Variants in DYNC1H1 observed in about 807,000 individuals in gnomAD.
The protein encoded by DYNC1H1 is cytoplasmic dynein 1 heavy chain 1.
In DYNC1H1, 51 loss-of-function variants were observed where a neutral mutation model predicts 527.1. The ratio of observed to expected loss-of-function variants is 0.10; its 90% CI spans 0.08 to 0.12. The LOEUF (loss-of-function observed/expected upper bound fraction) is 0.12, where lower values mean the gene tolerates loss of function less well. DYNC1H1 is among the 10% of genes least tolerant of loss of function. The pLI is 1.00. For missense variants in DYNC1H1, 2,771 were observed against 5,971.8 expected, an observed-to-expected ratio of 0.46 and a Z score of 17.66; for synonymous variants, 2,189 against 2,278.8, an observed-to-expected ratio of 0.96 and a Z score of 1.12.
chr14:102,038,134 A>G lies in DYNC1H1; in HGVS notation c.10909-326A>G, dbSNP rs1431622572. 7.9e-6 allele frequency: 3 copies of G among 380,986 alleles called. No individual in the cohort carries two copies. The highest frequency in any genetic ancestry group is 2.1e-5 in the African/African-American group (1 of 47,586). The allele number at this position is 380,986 out of a possible 1,614,324, so 23.6% of individuals were successfully genotyped here. On this transcript the variant is annotated intron_variant, in intron 57 of 77. Transcript: ENST00000360184. This position sits in a 1 kb window ranked among gnomAD's most constrained non-coding sequence, Gnocchi z 7.2. ...CTGGGACTACAGGCATGTGCCATAC[A>G]CCCCCAGCTAACTTTCGTATTTTTA...
At position 102,053,141 on chromosome 14, in the gene DYNC1H1, CTT is replaced by C. The variant is rs34327327; in HGVS notation, c.*2594_*2595del. On this transcript the variant is annotated 3_prime_UTR_variant, in exon 78 of 78. Transcript: ENST00000360184. ...CTGCCTTGCAAATGAATTTTTCTTT[CTT>C]TTTTTTTTTTTTTTTGAGACGGAAT... is the stretch of plus-strand genomic sequence containing the variant. 438 of 134,818 alleles carry C rather than the reference CTT, an allele frequency of 3.2e-3. 1 individual carries two copies. Among genetic ancestry groups the C allele is most frequent in the Non-Finnish European group, 5.2e-3 (332 of 63,554 alleles). The allele number at this position is 134,818 out of a possible 1,614,324, so 8.4% of individuals were successfully genotyped here.
At chr14:101,998,832 C>T (rs1201122909) in intron 16 of DYNC1H1, among the ~76,000 whole-genome samples, 1 of 150,682 alleles carries the variant, frequency 6.6e-6, no homozygotes, top group Admixed American at 6.6e-5. Context: ...GAATATTTCT[C>T]ATCACTTTAC....
At position 102,020,759 on chromosome 14, in the gene DYNC1H1, T is replaced by A. The variant is rs540113198; in HGVS notation, c.8507+703T>A. On this transcript the variant is annotated intron_variant, in intron 42 of 77. Coordinates refer to ENST00000360184, the MANE Select transcript of DYNC1H1 (RefSeq NM_001376.5). This position sits in a 1 kb window ranked among gnomAD's most constrained non-coding sequence, Gnocchi z 4.3. ...TAAGATGACTTGGCAGATGGTTCCCTCCAGACTAAGAAATGCTTAAGTGTT... is the reference window on the plus strand; with the variant it reads ...TAAGATGACTTGGCAGATGGTTCCCACCAGACTAAGAAATGCTTAAGTGTT... 6.6e-6 allele frequency among the ~76,000 whole-genome samples: 1 copy of A among 152,346 alleles called. No individual in the cohort carries two copies. Among genetic ancestry groups the A allele is most frequent in the South Asian group, 2.1e-4 (1 of 4,828 alleles).
At position 102,053,756 on chromosome 14, in the gene DYNC1H1, T is replaced by TTG. The variant is rs1555413078; in HGVS notation, c.*3194_*3195insGT. 6.3e-4 allele frequency: 78 copies of TTG among 124,520 alleles called. 1 individual carries two copies. The highest frequency in any genetic ancestry group is 1.5e-3 in the African/African-American group (38 of 25,428). The allele number at this position is 124,520 out of a possible 1,614,324, so 7.7% of individuals were successfully genotyped here. A position where few individuals can be genotyped will look rare whatever the true frequency, so the allele number is the denominator to read the frequency against. On this transcript the variant is annotated 3_prime_UTR_variant, in exon 78 of 78. Coordinates refer to ENST00000360184, the MANE Select transcript of DYNC1H1 (RefSeq NM_001376.5). The stretch of plus-strand genomic sequence containing the variant: ...CACACTCGGCCTCTTTGTTTGTTTT[T>TTG]TTTTTTTTTTGAGACAGTCTGGCTC...
chr14:102,044,364 G>A lies in DYNC1H1; in HGVS notation c.12775G>A (p.Glu4259Lys), dbSNP rs2048689310. The change falls in exon 71 of 78, where the codon GAG becomes AAG. Residue 4259 changes from glutamate to lysine, a missense_variant. Around this residue, in one of 32 missense-constraint regions of DYNC1H1, gnomAD observed 195 missense variants for 428.6 expected, o/e 0.45. Coordinates refer to ENST00000360184, the MANE Select transcript of DYNC1H1 (RefSeq NM_001376.5). The surrounding 1 kb of genome is among the most constrained non-coding windows in gnomAD (Gnocchi z 7.1). ...CATTTATGGCGGGCGCGTGGACAAC[G>A]AGTTTGACCAGCGTCTGCTCAACAC... ...QSIYGGRVDN[E>K]FDQRLLNTFL... 2 of 1,613,840 alleles carry A rather than the reference G, an allele frequency of 1.2e-6. No individual in the cohort carries two copies. Among genetic ancestry groups the A allele is most frequent in the Non-Finnish European group, 1.7e-6 (2 of 1,180,004 alleles).
In DYNC1H1 at chr14:102,008,347, CTCT is replaced by C; in HGVS notation, c.5977+16_5977+18del. The C allele has an allele frequency of 6.2e-7, 1 of 1,614,000 alleles. No individual in the cohort carries two copies. Among genetic ancestry groups the C allele is most frequent in the Admixed American group, 1.7e-5 (1 of 60,002 alleles). ...CCCAACTACGACAAGAGTAAGACAC[CTCT>C]TCTTCAAAAATTACTTAGAGAATGT... On this transcript the variant is annotated intron_variant, in intron 29 of 77. Transcript: ENST00000360184.
rs1244154418 is a variant in DYNC1H1, at chr14:102,002,500, G to A, written c.4543-37G>A. ...TTTTGGCATATCTGTGAGTAGAAGG[G>A]TCAGCAGTTTACCTCTCCCTCCTGT... On this transcript the variant is annotated intron_variant, in intron 21 of 77. Coordinates refer to ENST00000360184, the MANE Select transcript of DYNC1H1 (RefSeq NM_001376.5). The surrounding 1 kb of genome is among the most constrained non-coding windows in gnomAD (Gnocchi z 4.4). 3 of 1,613,312 alleles carry A rather than the reference G, an allele frequency of 1.9e-6. No homozygotes were observed. The highest frequency in any genetic ancestry group is 2.5e-6 in the Non-Finnish European group (3 of 1,179,686).
At position 102,040,332 on chromosome 14, in the gene DYNC1H1, G is replaced by GGA; in HGVS notation, c.11789_11790dup (p.Gln3931SerfsTer7). On this transcript the variant is annotated frameshift_variant, in exon 63 of 78. Coordinates refer to ENST00000360184, the MANE Select transcript of DYNC1H1 (RefSeq NM_001376.5). LOFTEE classifies it high-confidence loss of function. ...CCCCCAGGATCCAGGGCCTGACTGT[G>GGA]GAGCAGGCGGAGGCGGTGGTGAGGC... is the stretch of plus-strand genomic sequence containing the variant. 1 of 1,614,222 alleles carries GGA rather than the reference G, an allele frequency of 6.2e-7. No homozygotes were observed. Among genetic ancestry groups the GGA allele is most frequent in the Non-Finnish European group, 8.5e-7 (1 of 1,180,042 alleles).
chr14:102,037,139 GA>G (rs1429564094), intron 57 of DYNC1H1: 1 of 174,628 alleles, frequency 5.7e-6, no homozygotes, highest in Non-Finnish European at 1.2e-5. Context: ...TAAAAAGCAA[GA>G]AACAGCCAGG....
rs17512853 is a variant in DYNC1H1, at chr14:102,042,780, C to G, written c.12513+32C>G. On this transcript the variant is annotated intron_variant, in intron 69 of 77. Transcript: ENST00000360184. The surrounding 1 kb of genome is among the most constrained non-coding windows in gnomAD (Gnocchi z 5.7). ...ACCTTGTCCTCCTGGTATGCTTTCC[C>G]CATAGAAGCTAAAGCCCAGTCCCAT... is the stretch of plus-strand genomic sequence containing the variant. 470 of 1,610,596 alleles carry G rather than the reference C, an allele frequency of 2.9e-4. 1 individual carries two copies. The African/African-American group carries it at 5.6e-3, about 19-fold the overall frequency.
At position 102,012,636 on chromosome 14, in the gene DYNC1H1, C is replaced by G; in HGVS notation, c.7014+166C>G. On this transcript the variant is annotated intron_variant, in intron 34 of 77. Coordinates refer to ENST00000360184, the MANE Select transcript of DYNC1H1 (RefSeq NM_001376.5). The surrounding 1 kb of genome is among the most constrained non-coding windows in gnomAD (Gnocchi z 4.9). ...GCATCTCAACTGCTAGATTTTTTTTCCATTTCCATGGCTAGTGAGAAACAT... is the reference window on the plus strand; with the variant it reads ...GCATCTCAACTGCTAGATTTTTTTTGCATTTCCATGGCTAGTGAGAAACAT... 1.1e-6 allele frequency: 1 copy of G among 930,800 alleles called. No homozygotes were observed. Among genetic ancestry groups the G allele is most frequent in the East Asian group, 2.5e-5 (1 of 40,188 alleles). The allele number at this position is 930,800 out of a possible 1,614,324, so 57.7% of individuals were successfully genotyped here.
At chr14:101,999,432 C>T (rs974815098) in intron 16 of DYNC1H1, among the ~76,000 whole-genome samples, 2 of 152,214 alleles carry the variant, frequency 1.3e-5, no homozygotes, top group Non-Finnish European at 2.9e-5. Context: ...CGTTAGCCAC[C>T]ACGTCCAGCC....
Position 102,040,628 on chromosome 14 carries a change from C to T in DYNC1H1, c.11896C>T (p.Pro3966Ser). 6.2e-7 allele frequency: 1 copy of T among 1,614,180 alleles called. No homozygotes were observed. The highest frequency in any genetic ancestry group is 2.2e-5 in the East Asian group (1 of 44,888). Residue 3966 changes from proline to serine, a missense_variant, in exon 64 of 78, where the codon CCG (proline) becomes TCG (serine). Pro to Ser is a moderately conservative substitution (Grantham distance 74). This residue lies in a region of DYNC1H1 where 120 missense variants were observed against 161.9 expected (regional missense o/e 0.74). Coordinates refer to ENST00000360184, the MANE Select transcript of DYNC1H1 (RefSeq NM_001376.5). ...QFGIWLDSSS[P>S]EQTVPYLWSE... ...TGGCATCTGGCTGGACAGCAGCTCC[C>T]CGGAGCAGACTGTGCCCTACCTCTG... is the stretch of plus-strand genomic sequence containing the variant.
chr14:102,003,032 C>G (rs920011419), intron 23 of DYNC1H1, 67 bp downstream of exon 23: 14 of 1,598,686 alleles, frequency 8.8e-6, no homozygotes, highest in African/African-American at 2.7e-5. Context: ...TTCCAGTGAT[C>G]TTCTTTCCCT....
chr14:101,965,318 G>A lies in DYNC1H1; in HGVS notation c.256+371G>A, dbSNP rs2047653624. ...AAGATGGCCGAGTTGGGTGGAGACAGCGTCTCCCTGGGCTGAGAGCGGGCG... is the reference window on the plus strand; with the variant it reads ...AAGATGGCCGAGTTGGGTGGAGACAACGTCTCCCTGGGCTGAGAGCGGGCG... On this transcript the variant is annotated intron_variant, in intron 1 of 77. Coordinates refer to ENST00000360184, the MANE Select transcript of DYNC1H1 (RefSeq NM_001376.5). This position sits in a 1 kb window ranked among gnomAD's most constrained non-coding sequence, Gnocchi z 4.1. 6.6e-6 allele frequency among the ~76,000 whole-genome samples: 1 copy of A among 152,240 alleles called. No individual in the cohort carries two copies. The highest frequency in any genetic ancestry group is 2.4e-5 in the African/African-American group (1 of 41,462).
Position 102,011,653 on chromosome 14 carries a change from G to A in DYNC1H1, c.6619-222G>A, listed in dbSNP as rs1460314254. 5.3e-6 allele frequency: 3 copies of A among 568,872 alleles called. No homozygotes were observed. Among genetic ancestry groups the A allele is most frequent in the East Asian group, 3.1e-5 (1 of 32,578 alleles). The allele number at this position is 568,872 out of a possible 1,614,324, so 35.2% of individuals were successfully genotyped here. A position where few individuals can be genotyped will look rare whatever the true frequency, so the allele number is the denominator to read the frequency against. On this transcript the variant is annotated intron_variant, in intron 32 of 77. Coordinates refer to ENST00000360184, the MANE Select transcript of DYNC1H1 (RefSeq NM_001376.5). The surrounding 1 kb of genome is among the most constrained non-coding windows in gnomAD (Gnocchi z 5.3). The stretch of plus-strand genomic sequence containing the variant: ...TGTAAAGCCAGCTACTTGGGAGAGT[G>A]AGGAAGGAGAATCACTTGAACCTGG...
At chr14:101,972,162 CTT>C (rs1012470456) in intron 1 of DYNC1H1, among the ~76,000 whole-genome samples, 2 of 151,424 alleles carry the variant, frequency 1.3e-5, no homozygotes, top group East Asian at 3.9e-4. Context: ...CTAATAGCCT[CTT>C]TGTTATTAAG....
chr14:102,004,253 T>C (rs894973836), intron 23 of DYNC1H1, among the ~76,000 whole-genome samples: 6 of 151,980 alleles, frequency 3.9e-5, no homozygotes, highest in African/African-American at 1.4e-4. Context: ...CAAAAATAAA[T>C]AAATAAATAA....
At chr14:102,040,209 C>T (rs758538285) in intron 62 of DYNC1H1, 27 bp from the exon 63 acceptor site, 1 of 1,613,808 alleles carries the variant, frequency 6.2e-7, no homozygotes, top group Non-Finnish European at 8.5e-7. Context: ...GTGAGAGACC[C>T]TAGCTAACCT....
Sources: gnomAD v4.1 joint callset for allele counts (sites outside exome capture counted in the v4.1 genomes callset) on GRCh38, gnomAD v4.1.1 for gene constraint, gnomAD v4.1.1 regional missense constraint, Gnocchi (gnomAD v3.1) non-coding constraint, MANE v1.5 for transcripts, NCBI Gene and HGNC (gene_info 2026-07-23, HGNC 2026-07-21) for gene names.